Variants in FOXP2 observed in about 807,000 individuals in gnomAD.
FOXP2 encodes the protein forkhead box protein P2.
Under a neutral mutation model 115.8 loss-of-function variants are expected in FOXP2, and 12 were observed. That is an observed-to-expected ratio of 0.10 (90% CI 0.07 to 0.17). The LOEUF is 0.17. FOXP2 is among the 10% of genes least tolerant of loss of function. The pLI is 1.00. For synonymous variants in FOXP2, 328 were observed against 297.7 expected (o/e 1.10, Z -1.05); for missense variants, 629 against 843.5 (o/e 0.75, Z 3.15).
At position 114,118,460 on chromosome 7, in the gene FOXP2, T is replaced by C. The variant is rs770106758; in HGVS notation, c.-247+30622T>C. ...TAGAGGTTTTTTTTGGATACCCCCC[T>C]TTTTTTTTTTTTACCTAATCAGAGT... On this transcript the variant is annotated intron_variant, in intron 1 of 19. Coordinates refer to the FOXP2 transcript ENST00000635638. 7.2e-3 allele frequency among the ~76,000 whole-genome samples: 837 copies of C among 116,808 alleles called. 8 individuals are homozygous for C. The highest frequency in any genetic ancestry group is 0.02 in the African/African-American group (742 of 36,458). The allele number at this position is 116,808 out of a possible 152,430, so 76.6% of individuals were successfully genotyped here.
intron 2 of FOXP2, among the ~76,000 whole-genome samples, chr7:114,317,789 A>G (rs778252549): frequency 2.3e-4 from 35 of 152,162 alleles, no homozygotes; most frequent in Non-Finnish European, 4.1e-4. Context: ...ACAGTATACA[A>G]TCTAATTTCA....
intron 1 of FOXP2, among the ~76,000 whole-genome samples, chr7:114,089,984 T>G (rs968100092): frequency 6.6e-6 from 1 of 151,978 alleles, no homozygotes; most frequent in South Asian, 2.1e-4. Flanking sequence ...ACAGAAGATG[T>G]GAAGGATATA....
At chr7:114,493,658 A>ACTCT (rs111542252) in intron 2 of FOXP2, among the ~76,000 whole-genome samples, 74 of 147,756 alleles carry the variant, frequency 5.0e-4, no homozygotes, top group East Asian at 4.9e-3. Flanking sequence ...ACACACACAT[A>ACTCT]CTCTCTCTCT....
At chr7:114,313,694 G>A (rs1399188045) in intron 2 of FOXP2, among the ~76,000 whole-genome samples, 1 of 121,368 alleles carries the variant, frequency 8.2e-6, no homozygotes, top group Non-Finnish European at 1.6e-5. Context: ...GCAGTGAGCC[G>A]AGATTGCGCC....
chr7:114,447,957 A>G (rs1432003781), intron 2 of FOXP2, among the ~76,000 whole-genome samples: 1 of 152,186 alleles, frequency 6.6e-6, no homozygotes, highest in Non-Finnish European at 1.5e-5. Context: ...CAGATGAAAA[A>G]AAAGTTTAAG....
At chr7:114,367,468 C>T (rs1471156521) in intron 2 of FOXP2, among the ~76,000 whole-genome samples, 1 of 152,064 alleles carries the variant, frequency 6.6e-6, no homozygotes, top group African/African-American at 2.4e-5. Flanking sequence ...ATCAGACCCC[C>T]TTATTCTCAA....
chr7:114,148,278 T>A (rs1792432494), intron 1 of FOXP2, among the ~76,000 whole-genome samples: 1 of 152,224 alleles, frequency 6.6e-6, no homozygotes, highest in African/African-American at 2.4e-5. Context: ...CAGGTCCTTT[T>A]TTTGAGGTTA....
intron 3 of FOXP2, among the ~76,000 whole-genome samples, chr7:114,620,223 GC>G (rs959977194): frequency 2.0e-5 from 3 of 151,926 alleles, no homozygotes; most frequent in African/African-American, 7.3e-5. Context: ...TAACCTAACG[GC>G]AAGTGAAATA....
intron 2 of FOXP2, among the ~76,000 whole-genome samples, chr7:114,504,063 T>C (rs1025153573): frequency 6.6e-6 from 1 of 151,616 alleles, no homozygotes; most frequent in African/African-American, 2.4e-5. Context: ...TGGAAAAATA[T>C]TTTGAAAGCG....
At chr7:114,147,622 C>G (rs1016085755) in intron 1 of FOXP2, among the ~76,000 whole-genome samples, 1 of 151,842 alleles carries the variant, frequency 6.6e-6, no homozygotes, top group Admixed American at 6.6e-5. Flanking sequence ...TTTTTTTGCT[C>G]AAAGGGTATT....
intron 16 of FOXP2, among the ~76,000 whole-genome samples, chr7:114,672,291 G>A (rs1807528819): frequency 6.6e-6 from 1 of 152,082 alleles, no homozygotes; most frequent in Non-Finnish European, 1.5e-5. Flanking sequence ...AGAATAAAAA[G>A]TACATATTGT....
At chr7:114,152,225 T>G (rs1792546936) in intron 1 of FOXP2, among the ~76,000 whole-genome samples, 1 of 152,198 alleles carries the variant, frequency 6.6e-6, no homozygotes, top group Non-Finnish European at 1.5e-5. Flanking sequence ...TGTTCCGACA[T>G]TATCTATTGA....
chr7:114,139,754 T>C (rs1418937390), intron 1 of FOXP2, among the ~76,000 whole-genome samples: 1 of 152,182 alleles, frequency 6.6e-6, no homozygotes, highest in Non-Finnish European at 1.5e-5. Context: ...CATTTTAATT[T>C]TGTTGGCTTT....
chr7:114,239,304 A>G (rs981416148), intron 1 of FOXP2, among the ~76,000 whole-genome samples: 1 of 152,110 alleles, frequency 6.6e-6, no homozygotes, highest in African/African-American at 2.4e-5. Flanking sequence ...TAATTTAAGG[A>G]GTAAATGTGA....
At chr7:114,563,213 G>T (rs1034776657) in intron 3 of FOXP2, among the ~76,000 whole-genome samples, 3 of 152,122 alleles carry the variant, frequency 2.0e-5, no homozygotes. Context: ...GATGAGATTT[G>T]GGTAGGGACA....
intron 10 of FOXP2, 171 bp downstream of exon 10, chr7:114,654,180 C>A: frequency 7.0e-7 from 1 of 1,432,996 alleles, no homozygotes; most frequent in Non-Finnish European, 9.3e-7. Flanking sequence ...TAAAGTAATG[C>A]TATCTTTTAC....
chr7:114,503,813 G>A (rs1281751106), intron 2 of FOXP2, among the ~76,000 whole-genome samples: 2 of 150,824 alleles, frequency 1.3e-5, no homozygotes, highest in Admixed American at 6.6e-5. Flanking sequence ...GTCCCCACTG[G>A]TTCCTTAATA....
intron 1 of FOXP2, among the ~76,000 whole-genome samples, chr7:114,227,771 C>T (rs992197003): frequency 6.6e-6 from 1 of 151,856 alleles, no homozygotes; most frequent in African/African-American, 2.4e-5. Context: ...GGGCAAATAC[C>T]AGTGGAAAAT....
intron 3 of FOXP2, among the ~76,000 whole-genome samples, chr7:114,582,993 A>G (rs1182273525): frequency 4.6e-5 from 7 of 152,176 alleles, no homozygotes; most frequent in Non-Finnish European, 8.8e-5. Context: ...AATTGGAACT[A>G]AAGTGTAAGG....
Sources: gnomAD v4.1 joint callset for allele counts (sites outside exome capture counted in the v4.1 genomes callset) on GRCh38, gnomAD v4.1.1 for gene constraint, MANE v1.5 for transcripts, NCBI Gene and HGNC (gene_info 2026-07-23, HGNC 2026-07-21) for gene names.